Variants in NRXN1 observed in about 807,000 individuals in gnomAD.
The protein encoded by NRXN1 is neurexin-1.
A neutral mutation model predicts 150.9 loss-of-function variants in NRXN1; 39 were observed. The observed-to-expected ratio is 0.26, with a 90% confidence interval of 0.20 to 0.34. The LOEUF (loss-of-function observed/expected upper bound fraction) is 0.34, where lower values mean the gene tolerates loss of function less well. NRXN1 is among the 10% of genes least tolerant of loss of function. The pLI is 1.00. For missense variants in NRXN1, 1,815 were observed against 1,949.9 expected (o/e 0.93, Z 1.30); for synonymous variants, 924 against 757.0 (o/e 1.22, Z -3.62).
chr2:50,241,272 T>C (rs115940125), intron 17 of NRXN1, among the ~76,000 whole-genome samples: 2,041 of 151,760 alleles, frequency 0.013, 53 homozygotes, highest in African/African-American at 0.046. Flanking sequence ...CAAAAAACCC[T>C]GCCAGCTAGC....
chr2:50,629,583 T>C (rs1003702438), intron 5 of NRXN1, among the ~76,000 whole-genome samples: 82 of 151,792 alleles, frequency 5.4e-4, no homozygotes, highest in African/African-American at 1.9e-3. Flanking sequence ...CCTGGACATT[T>C]ATGCTACATT....
At chr2:50,023,610 G>A (rs1355010428) in intron 21 of NRXN1, 3 of 152,166 alleles carry the variant, frequency 2.0e-5, no homozygotes, top group Non-Finnish European at 4.4e-5. Flanking sequence ...GGGAAGCAAA[G>A]GCAAAGCTAA....
At chr2:50,873,053 T>A (rs1678031352) in intron 5 of NRXN1, among the ~76,000 whole-genome samples, 1 of 151,816 alleles carries the variant, frequency 6.6e-6, no homozygotes, top group Admixed American at 6.6e-5. Flanking sequence ...AAAAGTTAGA[T>A]CACAGACACT....
At chr2:50,905,559 C>T (rs562846346) in intron 5 of NRXN1, among the ~76,000 whole-genome samples, 1 of 152,216 alleles carries the variant, frequency 6.6e-6, no homozygotes, top group East Asian at 2.0e-4. Flanking sequence ...CACAACATCC[C>T]TCACTATAAT....
At chr2:50,206,706 C>G (rs568398853) in intron 18 of NRXN1, among the ~76,000 whole-genome samples, 1 of 151,912 alleles carries the variant, frequency 6.6e-6, no homozygotes, top group African/African-American at 2.4e-5. Context: ...TTCAGCTTTG[C>G]TCTACTATTG....
At chr2:50,931,688 T>A (rs192083228) in intron 2 of NRXN1, among the ~76,000 whole-genome samples, 1 of 150,922 alleles carries the variant, frequency 6.6e-6, no homozygotes, top group Admixed American at 6.6e-5. Flanking sequence ...TAGTTTTTCA[T>A]TTTATATGGT....
chr2:50,732,199 C>T (rs1698182974), intron 5 of NRXN1, among the ~76,000 whole-genome samples: 1 of 151,694 alleles, frequency 6.6e-6, no homozygotes, highest in South Asian at 2.1e-4. Context: ...TGTGCCTATA[C>T]ATATGAAAAA....
At chr2:50,132,107 G>A (rs553018088) in intron 18 of NRXN1, among the ~76,000 whole-genome samples, 17 of 152,242 alleles carry the variant, frequency 1.1e-4, no homozygotes, top group Non-Finnish European at 1.9e-4. Flanking sequence ...TTGACCTCAA[G>A]CGTATTTTGC....
intron 17 of NRXN1, among the ~76,000 whole-genome samples, chr2:50,389,774 AC>A (rs1402686476): frequency 6.6e-6 from 1 of 152,150 alleles, no homozygotes; most frequent in Non-Finnish European, 1.5e-5. Context: ...TATACCTATG[AC>A]CATAGGAGAG....
chr2:50,899,092 A>T (rs1682500643), intron 5 of NRXN1, among the ~76,000 whole-genome samples: 1 of 152,300 alleles, frequency 6.6e-6, no homozygotes, highest in Non-Finnish European at 1.5e-5. Context: ...CAGAGACATA[A>T]ATAATTAAAA....
chr2:50,867,631 T>C (rs1451549190), intron 5 of NRXN1, among the ~76,000 whole-genome samples: 1 of 151,786 alleles, frequency 6.6e-6, no homozygotes, highest in Admixed American at 6.6e-5. Flanking sequence ...GACAATTATC[T>C]ATCAGGTAAT....
At chr2:50,325,429 G>C (rs1407811847) in intron 17 of NRXN1, among the ~76,000 whole-genome samples, 2 of 152,162 alleles carry the variant, frequency 1.3e-5, no homozygotes, top group African/African-American at 2.4e-5. Flanking sequence ...CCTCCCTTAG[G>C]GGGATGGGGA....
intron 19 of NRXN1, among the ~76,000 whole-genome samples, chr2:50,079,801 A>G (rs1023428322): frequency 2.0e-5 from 3 of 152,112 alleles, no homozygotes; most frequent in Non-Finnish European, 4.4e-5. Context: ...GTCCTCTTGC[A>G]TGATATGTTT....
intron 17 of NRXN1, among the ~76,000 whole-genome samples, chr2:50,454,551 A>G (rs926738924): frequency 2.0e-5 from 3 of 152,060 alleles, no homozygotes; most frequent in African/African-American, 7.2e-5. Flanking sequence ...TACGGAATAA[A>G]GATATTGAAA....
intron 5 of NRXN1, among the ~76,000 whole-genome samples, chr2:50,716,360 A>G (rs991433480): frequency 6.6e-6 from 1 of 152,152 alleles, no homozygotes; most frequent in Non-Finnish European, 1.5e-5. Flanking sequence ...CGCAATCTAC[A>G]GTAACTTTGG....
At chr2:50,142,268 G>A (rs1707377673) in intron 18 of NRXN1, among the ~76,000 whole-genome samples, 1 of 151,858 alleles carries the variant, frequency 6.6e-6, no homozygotes, top group African/African-American at 2.4e-5. Flanking sequence ...TCTTATGGAG[G>A]TGGAGAGTAT....
chr2:50,514,993 C>A (rs192126961), intron 12 of NRXN1, among the ~76,000 whole-genome samples: 29 of 152,248 alleles, frequency 1.9e-4, no homozygotes, highest in African/African-American at 5.8e-4. Flanking sequence ...CTCCCCACCC[C>A]CCAGGCCACA....
At chr2:49,995,443 GCCTACTACT>G (rs1682772526) in intron 21 of NRXN1, among the ~76,000 whole-genome samples, 1 of 152,070 alleles carries the variant, frequency 6.6e-6, no homozygotes, top group African/African-American at 2.4e-5. Context: ...AAGTGGTAAA[GCCTACTACT>G]GTTCATATCA....
intron 8 of NRXN1, among the ~76,000 whole-genome samples, chr2:50,587,949 T>C (rs1217361094): frequency 1.3e-5 from 2 of 152,094 alleles, no homozygotes; most frequent in East Asian, 3.9e-4. Context: ...TAATATGAAG[T>C]ATTATGATTA....
Sources: gnomAD v4.1 joint callset for allele counts (sites outside exome capture counted in the v4.1 genomes callset) on GRCh38, gnomAD v4.1.1 for gene constraint, MANE v1.5 for transcripts, NCBI Gene and HGNC (gene_info 2026-07-23, HGNC 2026-07-21) for gene names.